Variants in CPNE4 observed in about 807,000 individuals in gnomAD.
The protein encoded by CPNE4 is copine 4.
A neutral mutation model predicts 67.9 loss-of-function variants in CPNE4; 25 were observed. That is an observed-to-expected ratio of 0.37 (90% CI 0.27 to 0.51). CPNE4 has a LOEUF of 0.51. CPNE4 is among the 20% of genes least tolerant of loss of function. CPNE4 has a pLI of 0.93. For missense variants in CPNE4, 464 were observed against 690.8 expected (o/e 0.67, Z 3.68); for synonymous variants, 242 against 244.9 (o/e 0.99, Z 0.11).
chr3:131,978,168 A>AAT (rs1560720896), intron 1 of CPNE4, among the ~76,000 whole-genome samples: 31 of 64,168 alleles, frequency 4.8e-4, no homozygotes, highest in African/African-American at 2.3e-3. Context: ...AATATATATA[A>AAT]ATATGTAAAT....
At chr3:131,801,367 T>TATG (rs1553774087) in intron 2 of CPNE4, among the ~76,000 whole-genome samples, 15 of 133,464 alleles carry the variant, frequency 1.1e-4, no homozygotes, top group Non-Finnish European at 1.4e-4. Context: ...TATATATATA[T>TATG]GTACCATATA....
rs76355207 is a variant in CPNE4, at chr3:131,662,421, A to T, written c.681+7254T>A. On this transcript the variant is annotated intron_variant, in intron 7 of 15. Coordinates refer to ENST00000429747, the MANE Select transcript of CPNE4 (RefSeq NM_130808.3). ...ATAGGAGGAAGAACAGAATGTATCCATACACATACACATATACATATACAC... is the reference window on the plus strand; with the variant it reads ...ATAGGAGGAAGAACAGAATGTATCCTTACACATACACATATACATATACAC... Among the ~76,000 whole-genome samples the T allele has an allele frequency of 7.7e-3, 1,170 of 152,352 alleles. 19 individuals are homozygous for T. The highest frequency in any genetic ancestry group is 0.027 in the African/African-American group (1,108 of 41,592).
At chr3:131,599,368 C>A (rs907255612) in intron 7 of CPNE4, among the ~76,000 whole-genome samples, 1 of 152,154 alleles carries the variant, frequency 6.6e-6, no homozygotes, top group Admixed American at 6.5e-5. Context: ...TTGTCTTTTT[C>A]TCACTGTAGA....
At chr3:131,933,802 A>G (rs1365885238) in intron 1 of CPNE4, among the ~76,000 whole-genome samples, 1 of 152,104 alleles carries the variant, frequency 6.6e-6, no homozygotes, top group Non-Finnish European at 1.5e-5. Flanking sequence ...AAAAAAAAAA[A>G]AACACATGTT....
At chr3:131,706,078 G>T (rs1025773009) in intron 3 of CPNE4, among the ~76,000 whole-genome samples, 8 of 152,284 alleles carry the variant, frequency 5.3e-5, no homozygotes, top group East Asian at 1.9e-4. Flanking sequence ...CGGGTCAAGG[G>T]CACATGGTAT....
intron 2 of CPNE4, among the ~76,000 whole-genome samples, chr3:131,809,035 G>A (rs897731568): frequency 2.0e-5 from 3 of 152,108 alleles, no homozygotes; most frequent in East Asian, 1.9e-4. Context: ...GTGTAAGTGC[G>A]TGCATGTGTG....
At chr3:132,028,620 T>C (rs1054518203) in intron 1 of CPNE4, among the ~76,000 whole-genome samples, 1 of 152,230 alleles carries the variant, frequency 6.6e-6, no homozygotes, top group South Asian at 2.1e-4. Flanking sequence ...GCTCCTATTG[T>C]GTGCCAAGCA....
chr3:131,757,846 G>C (rs2082789235), intron 2 of CPNE4, among the ~76,000 whole-genome samples: 1 of 152,198 alleles, frequency 6.6e-6, no homozygotes, highest in African/African-American at 2.4e-5. Context: ...ATGGCTGAAA[G>C]GGGACAACAT....
intron 3 of CPNE4, among the ~76,000 whole-genome samples, chr3:131,715,657 G>A (rs1446445315): frequency 1.3e-5 from 2 of 152,178 alleles, no homozygotes; most frequent in Non-Finnish European, 1.5e-5. Flanking sequence ...CTAAATAAAA[G>A]TGCCTGGAGT....
intron 1 of CPNE4, among the ~76,000 whole-genome samples, chr3:131,947,679 C>T (rs536899427): frequency 4.9e-4 from 75 of 152,162 alleles, no homozygotes; most frequent in Middle Eastern, 3.4e-3. Context: ...CTATTGTAAA[C>T]GGTGCTGCAA....
At chr3:131,870,598 C>A (rs2087157478) in intron 2 of CPNE4, among the ~76,000 whole-genome samples, 1 of 152,132 alleles carries the variant, frequency 6.6e-6, no homozygotes, top group East Asian at 1.9e-4. Context: ...TCTTTCTCCC[C>A]TTCTCCTTCC....
intron 4 of CPNE4, among the ~76,000 whole-genome samples, chr3:131,699,284 A>G (rs1463708833): frequency 6.6e-6 from 1 of 152,204 alleles, no homozygotes; most frequent in Non-Finnish European, 1.5e-5. Context: ...GCTGCTAACC[A>G]CTTGTAACTA....
chr3:131,682,230 AT>A (rs58193163), intron 6 of CPNE4, among the ~76,000 whole-genome samples: 2,077 of 152,096 alleles, frequency 0.014, 43 homozygotes, highest in African/African-American at 0.047. Context: ...AGATTTATAT[AT>A]TTACTGTAGT....
chr3:131,971,046 G>A (rs2072486047), intron 1 of CPNE4, among the ~76,000 whole-genome samples: 2 of 152,222 alleles, frequency 1.3e-5, no homozygotes, highest in Admixed American at 1.3e-4. Flanking sequence ...TGGCATAGAT[G>A]AGGTCACTCA....
intron 2 of CPNE4, among the ~76,000 whole-genome samples, chr3:131,852,691 C>A (rs2086284284): frequency 6.6e-6 from 1 of 151,614 alleles, no homozygotes; most frequent in African/African-American, 2.4e-5. Flanking sequence ...AAAATTAGAT[C>A]AGGAGTGATG....
At chr3:131,571,365 T>C (rs1466370631) in intron 10 of CPNE4, among the ~76,000 whole-genome samples, 5 of 151,994 alleles carry the variant, frequency 3.3e-5, no homozygotes, top group Non-Finnish European at 7.4e-5. Context: ...CAAAGCCACA[T>C]ACATGTAGCT....
Position 131,725,939 on chromosome 3 carries a change from A to G in CPNE4, c.181-2314T>C, listed in dbSNP as rs533515236. 2.6e-5 allele frequency among the ~76,000 whole-genome samples: 4 copies of G among 152,298 alleles called. No homozygotes were observed. The East Asian group carries it at 7.7e-4, about 29-fold the overall frequency. The stretch of plus-strand genomic sequence containing the variant: ...TTTAATTTCTCTTCCTGGCCCCTAG[A>G]GGCATTTTTGCAACATCTGGTCCAA... On this transcript the variant is annotated intron_variant, in intron 2 of 15. Transcript: ENST00000429747.
chr3:131,791,283 T>TG (rs1363614158), intron 2 of CPNE4, among the ~76,000 whole-genome samples: 1 of 152,196 alleles, frequency 6.6e-6, no homozygotes, highest in Non-Finnish European at 1.5e-5. Flanking sequence ...GTAATAGCCT[T>TG]GTCACTCTTT....
At chr3:131,700,294 A>G (rs1303759634) in intron 3 of CPNE4, among the ~76,000 whole-genome samples, 2 of 152,126 alleles carry the variant, frequency 1.3e-5, no homozygotes, top group Admixed American at 6.5e-5. Context: ...TTAAACATGT[A>G]TGTTAAGACA....
Sources: gnomAD v4.1 joint callset for allele counts (sites outside exome capture counted in the v4.1 genomes callset) on GRCh38, gnomAD v4.1.1 for gene constraint, MANE v1.5 for transcripts, NCBI Gene and HGNC (gene_info 2026-07-23, HGNC 2026-07-21) for gene names.